CCDC158: variants seen among roughly 807,000 people sequenced by gnomAD.
CCDC158 encodes the protein coiled-coil domain containing 158, also known as coiled-coil domain-containing protein 158.
In CCDC158, 116 loss-of-function variants were observed where a neutral mutation model predicts 138.6. The ratio of observed to expected loss-of-function variants is 0.84; its 90% CI spans 0.72 to 0.98. CCDC158 has a LOEUF of 0.98. CCDC158 is among the 50% of genes least tolerant of loss of function. CCDC158 has a pLI of 0.00. For missense variants in CCDC158, 1,265 were observed against 1,306.1 expected, an observed-to-expected ratio of 0.97 and a Z score of 0.48; for synonymous variants, 436 against 442.4, an observed-to-expected ratio of 0.99 and a Z score of 0.18.
chr4:76,329,471 C>A (rs1010550070), intron 21 of CCDC158, among the ~76,000 whole-genome samples: 5 of 152,082 alleles, frequency 3.3e-5, no homozygotes, highest in Non-Finnish European at 7.4e-5. Context: ...GTAGTCCCGG[C>A]TACTCAGGAG....
At chr4:76,366,904 G>A (rs968848402) in intron 12 of CCDC158, among the ~76,000 whole-genome samples, 2 of 151,892 alleles carry the variant, frequency 1.3e-5, no homozygotes, top group African/African-American at 2.4e-5. Flanking sequence ...TTACTTTTTG[G>A]TTTGGTTTTG....
intron 24 of CCDC158, among the ~76,000 whole-genome samples, chr4:76,317,365 C>A (rs1305091193): frequency 6.6e-6 from 1 of 152,076 alleles, no homozygotes; most frequent in Non-Finnish European, 1.5e-5. Context: ...TTTAAAGCAA[C>A]AACAGTTCAG....
In CCDC158 at chr4:76,357,525, C is replaced by T. The variant is rs78573099; in HGVS notation, c.2022G>A (p.Glu674=). Residue 674 remains glutamate (E), a splice_region_variant and synonymous_variant, in exon 14 of 25, where the codon GAG becomes GAA. Transcript: ENST00000682701. ...AATTCCTTTTTAAGACTTCATACTC[C>T]TCTATACAATGTGATAATCAATAAT... ...TSRSELNNLS[E]EYEVLKRNFR... is the part of the protein sequence containing the mutation. 24,973 of 1,534,908 alleles carry T rather than the reference C, an allele frequency of 0.016. 313 individuals carry two copies. The highest frequency in any genetic ancestry group is 0.045 in the South Asian group (3,523 of 77,620).
intron 2 of CCDC158, among the ~76,000 whole-genome samples, chr4:76,409,254 T>G (rs1047200154): frequency 6.6e-6 from 1 of 152,156 alleles, no homozygotes; most frequent in Non-Finnish European, 1.5e-5. Context: ...AATTGAAATA[T>G]TTTTCCTATT....
intron 19 of CCDC158, among the ~76,000 whole-genome samples, chr4:76,332,937 G>A (rs1721130882): frequency 1.3e-5 from 2 of 152,142 alleles, no homozygotes. Context: ...TTCATAGGAG[G>A]AGGCATGTCA....
At chr4:76,326,540 G>A (rs1484344516) in intron 22 of CCDC158, among the ~76,000 whole-genome samples, 3 of 152,094 alleles carry the variant, frequency 2.0e-5, no homozygotes, top group Non-Finnish European at 4.4e-5. Flanking sequence ...CAAACTCCAA[G>A]TGAATTCTTC....
At chr4:76,411,646 A>T (rs1729307450) in intron 2 of CCDC158, among the ~76,000 whole-genome samples, 1 of 152,200 alleles carries the variant, frequency 6.6e-6, no homozygotes, top group Non-Finnish European at 1.5e-5. Context: ...CAGGGAGGCA[A>T]TATGGAAGAT....
intron 9 of CCDC158, 33 bp downstream of exon 9, chr4:76,379,257 C>T (rs1269100466): frequency 7.9e-7 from 1 of 1,264,336 alleles, no homozygotes; most frequent in South Asian, 1.4e-5. Context: ...ATATTAAAGT[C>T]TCTAGAAACA....
intron 21 of CCDC158, among the ~76,000 whole-genome samples, chr4:76,330,041 C>T (rs1720883530): frequency 6.6e-6 from 1 of 152,100 alleles, no homozygotes; most frequent in African/African-American, 2.4e-5. Context: ...AGAAGTATTA[C>T]AGTACTTTCA....
rs1284757188 is a variant in CCDC158, at chr4:76,371,422, G to C, written c.1144C>G (p.Leu382Val). Reference sequence around the variant, plus strand: ...ATTTTAAAGCATAATCTTACCAACAGCTTTTGAAGTTGATCATCTAAATTT... The same window carrying C: ...ATTTTAAAGCATAATCTTACCAACACCTTTTGAAGTTGATCATCTAAATTT... Reference protein sequence around the residue: ...SGNLDDQLQKLLADLHKREKE... With the variant: ...SGNLDDQLQKVLADLHKREKE... Residue 382 changes from leucine to valine, a missense_variant, in exon 10 of 25, where the codon CTG becomes GTG. Physicochemically the swap from Leu to Val is conservative, Grantham distance 32. Coordinates refer to ENST00000682701, the MANE Select transcript of CCDC158 (RefSeq NM_001394954.1). 2 of 1,613,706 alleles carry C rather than the reference G, an allele frequency of 1.2e-6. No homozygotes were observed. The highest frequency in any genetic ancestry group is 1.7e-6 in the Non-Finnish European group (2 of 1,179,862).
intron 4 of CCDC158, among the ~76,000 whole-genome samples, chr4:76,386,578 CTTTG>C (rs1476488253): frequency 3.9e-5 from 6 of 152,160 alleles, no homozygotes; most frequent in East Asian, 1.9e-4. Context: ...TCCTTCCTTG[CTTTG>C]TTTGTGTGTT....
intron 12 of CCDC158, among the ~76,000 whole-genome samples, chr4:76,362,644 AC>A (rs752581279): frequency 1.1e-4 from 16 of 152,216 alleles, no homozygotes; most frequent in Non-Finnish European, 2.2e-4. Flanking sequence ...CATATTAAGA[AC>A]CTTCTTTGTG....
Position 76,386,343 on chromosome 4 carries a change from C to T in CCDC158, c.289-1678G>A, listed in dbSNP as rs149491965. Among the ~76,000 whole-genome samples the T allele has an allele frequency of 1.6e-3, 239 of 152,360 alleles. 1 individual carries two copies. Among genetic ancestry groups the T allele is most frequent in the African/African-American group, 5.5e-3 (227 of 41,594 alleles). On this transcript the variant is annotated intron_variant, in intron 4 of 24. Transcript: ENST00000682701. ...GGGAACATAAGGCTGATTCACACTT[C>T]AGCTGTGACAGGAAATATCCTCTCC...
chr4:76,402,283 T>C (rs530770079), intron 3 of CCDC158: 1 of 152,424 alleles, frequency 6.6e-6, no homozygotes, highest in East Asian at 1.9e-4. Context: ...GTTCCCTTTC[T>C]AGTTCTCTTC....
At chr4:76,401,253 G>A (rs1728358824) in intron 3 of CCDC158, 3 of 437,398 alleles carry the variant, frequency 6.9e-6, no homozygotes, top group South Asian at 5.5e-5. Flanking sequence ...CCACAAGCAT[G>A]GTGAATGTTC....
chr4:76,407,622 G>C (rs1334184192), intron 2 of CCDC158, among the ~76,000 whole-genome samples: 1 of 152,106 alleles, frequency 6.6e-6, no homozygotes, highest in Non-Finnish European at 1.5e-5. Context: ...CACTAAGAAA[G>C]TTCAAATTGC....
intron 4 of CCDC158, among the ~76,000 whole-genome samples, chr4:76,395,002 A>C (rs528291737): frequency 1.2e-4 from 18 of 152,274 alleles, no homozygotes; most frequent in Non-Finnish European, 2.4e-4. Context: ...CAAATAGTGT[A>C]AGGAAAAAGG....
At chr4:76,342,889 A>T (rs1256975510) in intron 18 of CCDC158, among the ~76,000 whole-genome samples, 1 of 152,206 alleles carries the variant, frequency 6.6e-6, no homozygotes, top group East Asian at 1.9e-4. Context: ...CATGTATTTC[A>T]AAGTCCAGGG....
chr4:76,403,424 T>C lies in CCDC158; in HGVS notation c.-73-144A>G, dbSNP rs552784129. ...TAATTATTTATACAGAAATACATTA[T>C]ATTACATAAAATTAATAAGTGAATA... On this transcript the variant is annotated intron_variant, in intron 2 of 24. Transcript: ENST00000682701. The C allele has an allele frequency of 1.2e-4, 47 of 392,996 alleles. 1 individual carries two copies. In the East Asian group the frequency reaches 2.2e-3, roughly 18 times the overall value. The allele number at this position is 392,996 out of a possible 1,614,324, so 24.3% of individuals were successfully genotyped here.
Sources: gnomAD v4.1 joint callset for allele counts (sites outside exome capture counted in the v4.1 genomes callset) on GRCh38, gnomAD v4.1.1 for gene constraint, MANE v1.5 for transcripts, NCBI Gene and HGNC (gene_info 2026-07-23, HGNC 2026-07-21) for gene names.